Variants in ADAMTS6 observed in about 807,000 individuals in gnomAD.
ADAMTS6 encodes A disintegrin and metalloproteinase with thrombospondin motifs 6.
ADAMTS6 carries 23 observed loss-of-function variants against 144.3 expected under a neutral mutation model. That is an observed-to-expected ratio of 0.16 (90% CI 0.11 to 0.23). ADAMTS6 has a LOEUF of 0.23. Among genes scored for constraint, ADAMTS6 ranks in the 10% least tolerant of loss-of-function variants. The pLI is 1.00. For synonymous variants in ADAMTS6, 444 were observed against 457.5 expected, an observed-to-expected ratio of 0.97 and a Z score of 0.38; for missense variants, 999 against 1,379.6, an observed-to-expected ratio of 0.72 and a Z score of 4.37.
chr5:65,393,632 A>C (rs555022784), intron 7 of ADAMTS6, among the ~76,000 whole-genome samples: 1 of 152,338 alleles, frequency 6.6e-6, no homozygotes, highest in Non-Finnish European at 1.5e-5. Flanking sequence ...TCAGAGTACA[A>C]ATGATTCTCT....
At chr5:65,431,465 T>G (rs1250382456) in intron 7 of ADAMTS6, among the ~76,000 whole-genome samples, 1 of 152,174 alleles carries the variant, frequency 6.6e-6, no homozygotes, top group Non-Finnish European at 1.5e-5. Flanking sequence ...ATTGTACTTT[T>G]AAGTATGTGT....
intron 9 of ADAMTS6, among the ~76,000 whole-genome samples, chr5:65,319,486 C>G (rs965033666): frequency 1.2e-4 from 18 of 147,536 alleles, no homozygotes; most frequent in Non-Finnish European, 6.0e-5. Context: ...TGGAGACCAG[C>G]CTGGGAAACA....
chr5:65,263,284 CT>C (rs1193059346), intron 12 of ADAMTS6, among the ~76,000 whole-genome samples: 1 of 151,586 alleles, frequency 6.6e-6, no homozygotes, highest in African/African-American at 2.4e-5. Flanking sequence ...ACCTCAAAGT[CT>C]TTTTTAGATA....
intron 11 of ADAMTS6, among the ~76,000 whole-genome samples, chr5:65,286,603 A>G (rs1345437459): frequency 2.0e-5 from 3 of 152,266 alleles, no homozygotes; most frequent in Non-Finnish European, 4.4e-5. Context: ...ATCTACCTGT[A>G]GATGAACAAT....
intron 7 of ADAMTS6, among the ~76,000 whole-genome samples, chr5:65,446,329 T>C (rs1758268649): frequency 6.6e-6 from 1 of 152,184 alleles, no homozygotes; most frequent in Non-Finnish European, 1.5e-5. Context: ...ACCATTTTTA[T>C]AGCTATTTTT....
At position 65,473,901 on chromosome 5, in the gene ADAMTS6, CATAA is replaced by C; in HGVS notation, c.-232_-229del. On this transcript the variant is annotated 5_prime_UTR_variant, in exon 2 of 25. The change abolishes an upstream ATG in the 5' untranslated region. Coordinates refer to ENST00000381055, the MANE Select transcript of ADAMTS6 (RefSeq NM_197941.4). ...AAAAAATAATGATGGTAAAAGTTTT[CATAA>C]GCAAAGCATTAGGCTGATTAGTTAC... The C allele has an allele frequency of 1.9e-6, 1 of 514,102 alleles. No individual in the cohort carries two copies. Among genetic ancestry groups the C allele is most frequent in the Non-Finnish European group, 3.5e-6 (1 of 289,798 alleles). The allele number at this position is 514,102 out of a possible 1,614,324, so 31.8% of individuals were successfully genotyped here.
At chr5:65,215,649 T>G (rs1756862371) in intron 18 of ADAMTS6, among the ~76,000 whole-genome samples, 162 bp from the exon 19 acceptor site, 1 of 152,188 alleles carries the variant, frequency 6.6e-6, no homozygotes, top group East Asian at 1.9e-4. Flanking sequence ...ATTTTTCATG[T>G]GAATGGTAAG....
chr5:65,375,331 A>C (rs1463848100), intron 7 of ADAMTS6, among the ~76,000 whole-genome samples: 1 of 151,878 alleles, frequency 6.6e-6, no homozygotes, highest in African/African-American at 2.4e-5. Context: ...GAAACCTACA[A>C]AATGGGAGAA....
At chr5:65,393,790 T>C (rs940840005) in intron 7 of ADAMTS6, among the ~76,000 whole-genome samples, 1 of 152,234 alleles carries the variant, frequency 6.6e-6, no homozygotes, top group Non-Finnish European at 1.5e-5. Flanking sequence ...TTTTTCATTG[T>C]ATGTGTAAAA....
intron 4 of ADAMTS6, among the ~76,000 whole-genome samples, chr5:65,459,221 C>G (rs377234001): frequency 6.6e-6 from 1 of 152,128 alleles, no homozygotes; most frequent in Non-Finnish European, 1.5e-5. Context: ...ATCCTCCTAA[C>G]TCCTTAGCTC....
In ADAMTS6 at chr5:65,273,369, G is replaced by A. The variant is rs767974622; in HGVS notation, c.1591C>T (p.Leu531=). The A allele has an allele frequency of 7.4e-6, 12 of 1,613,754 alleles. No individual in the cohort carries two copies. The South Asian group carries it at 1.3e-4, about 18-fold the overall frequency. Residue 531 remains leucine (L), a synonymous_variant, in exon 12 of 25, where the codon CTG becomes TTG. Transcript: ENST00000381055. Reference sequence around the variant, plus strand: ...TTTTCAATATTCCCAGTTTGACACAGTGTCCCCTCAGCTGCTGGAATACTG... The same window carrying A: ...TTTTCAATATTCCCAGTTTGACACAATGTCCCCTCAGCTGCTGGAATACTG... The part of the protein sequence containing the change: ...TNSIPAAEGT[L]CQTGNIEKGW...
At chr5:65,322,197 T>C (rs1285342156) in intron 9 of ADAMTS6, among the ~76,000 whole-genome samples, 1 of 152,190 alleles carries the variant, frequency 6.6e-6, no homozygotes, top group Non-Finnish European at 1.5e-5. Context: ...GCCTTATTTC[T>C]GAGTTCTCTA....
rs974631319 is a variant in ADAMTS6 at position 65,148,885 on chromosome 5, G to C, written c.*2951C>G. On this transcript the variant is annotated 3_prime_UTR_variant, in exon 25 of 25. Coordinates refer to ENST00000381055, the MANE Select transcript of ADAMTS6 (RefSeq NM_197941.4). ...AGAATGAATGTAGGACAAGTGTTAG[G>C]AAACATGGCAATAAATTAGAATATA... 6.6e-6 allele frequency: 1 copy of C among 152,452 alleles called. No homozygotes were observed. The highest frequency in any genetic ancestry group is 2.4e-5 in the African/African-American group (1 of 41,358). The allele number at this position is 152,452 out of a possible 1,614,324, so 9.4% of individuals were successfully genotyped here.
At chr5:65,420,954 A>G (rs1755982750) in intron 7 of ADAMTS6, among the ~76,000 whole-genome samples, 1 of 152,218 alleles carries the variant, frequency 6.6e-6, no homozygotes, top group South Asian at 2.1e-4. Context: ...GTCTGTAAGA[A>G]TTCTTACATG....
intron 7 of ADAMTS6, among the ~76,000 whole-genome samples, chr5:65,444,940 T>C (rs1435450248): frequency 6.6e-6 from 1 of 152,214 alleles, no homozygotes; most frequent in Admixed American, 6.5e-5. Context: ...ACAGCAGTCC[T>C]TATCTCATGC....
intron 14 of ADAMTS6, among the ~76,000 whole-genome samples, chr5:65,244,666 T>C (rs1759479856): frequency 1.3e-5 from 2 of 152,104 alleles, no homozygotes; most frequent in Admixed American, 1.3e-4. Context: ...CAACACTCTT[T>C]TGAGGTAGAT....
intron 7 of ADAMTS6, among the ~76,000 whole-genome samples, chr5:65,361,740 C>T (rs1306058346): frequency 4.1e-5 from 6 of 145,430 alleles, no homozygotes; most frequent in African/African-American, 1.5e-4. Flanking sequence ...TTTTCTTTTT[C>T]TTTTTTTTTT....
chr5:65,254,171 C>A (rs952100193), intron 14 of ADAMTS6, among the ~76,000 whole-genome samples: 4 of 151,970 alleles, frequency 2.6e-5, no homozygotes, highest in Non-Finnish European at 4.4e-5. Flanking sequence ...ACTCCAATCA[C>A]CTCACCTTTT....
chr5:65,337,431 CCTT>C (rs1209716868), intron 7 of ADAMTS6, among the ~76,000 whole-genome samples: 6 of 151,262 alleles, frequency 4.0e-5, no homozygotes, highest in Admixed American at 6.6e-5. Context: ...TTCCTATTTT[CCTT>C]CTTCTTCATG....
Sources: allele counts gnomAD v4.1 joint callset (sites outside exome capture counted in the v4.1 genomes callset), GRCh38; gene constraint gnomAD v4.1.1; transcripts MANE v1.5; gene names NCBI Gene and HGNC (gene_info 2026-07-23, HGNC 2026-07-21).